CCDC60: variants seen among roughly 807,000 people sequenced by gnomAD.
The protein encoded by CCDC60 is coiled-coil domain containing 60, also known as coiled-coil domain-containing protein 60.
A neutral mutation model predicts 63.5 loss-of-function variants in CCDC60; 54 were observed. That is an observed-to-expected ratio of 0.85 (90% CI 0.68 to 1.07). CCDC60 has a LOEUF of 1.07. Among genes scored for constraint, CCDC60 ranks in the 50% least tolerant of loss-of-function variants. The probability of loss-of-function intolerance (pLI) is 0.00; values close to 1 mark genes in which losing one functional copy is unlikely to be tolerated. For missense variants in CCDC60, 651 were observed against 684.3 expected, an observed-to-expected ratio of 0.95 and a Z score of 0.54; for synonymous variants, 206 against 238.8, an observed-to-expected ratio of 0.86 and a Z score of 1.27.
intron 8 of CCDC60, among the ~76,000 whole-genome samples, chr12:119,518,582 A>C (rs1335183240): frequency 6.6e-6 from 1 of 152,216 alleles, no homozygotes; most frequent in Admixed American, 6.5e-5. Flanking sequence ...TCCCTGTAAA[A>C]TATTACTAAT....
intron 13 of CCDC60, among the ~76,000 whole-genome samples, chr12:119,536,887 T>TC (rs1218142583): frequency 2.0e-5 from 3 of 152,208 alleles, no homozygotes; most frequent in Admixed American, 6.5e-5. Context: ...CAATTATGTG[T>TC]CTTGGGCTTG....
intron 1 of CCDC60, among the ~76,000 whole-genome samples, 174 bp downstream of exon 1, chr12:119,335,440 C>T (rs1424164776): frequency 2.0e-5 from 3 of 151,270 alleles, no homozygotes; most frequent in Non-Finnish European, 4.4e-5. Context: ...TCCTATTTCT[C>T]CACATCCTCT....
intron 1 of CCDC60, among the ~76,000 whole-genome samples, chr12:119,370,432 G>A (rs1361209276): frequency 6.6e-6 from 1 of 152,162 alleles, no homozygotes; most frequent in East Asian, 1.9e-4. Context: ...GAAGTGCCTC[G>A]CAAAGGTGAC....
At chr12:119,524,211 G>T (rs1952614993) in intron 11 of CCDC60, among the ~76,000 whole-genome samples, 1 of 152,140 alleles carries the variant, frequency 6.6e-6, no homozygotes, top group Non-Finnish European at 1.5e-5. Flanking sequence ...TGCATGCAAA[G>T]TCCCAAGTCC....
Position 119,505,231 on chromosome 12 carries a change from G to A in CCDC60, c.811G>A (p.Val271Met), listed in dbSNP as rs773240346. 2.1e-5 allele frequency: 34 copies of A among 1,613,746 alleles called. No homozygotes were observed. Among genetic ancestry groups the A allele is most frequent in the Non-Finnish European group, 2.7e-5 (32 of 1,180,040 alleles). The change falls in exon 7 of 14, where the codon GTG (valine) becomes ATG (methionine). Residue 271 changes from valine to methionine, a missense_variant. Transcript: ENST00000327554. ...SDEPPSVNTQ[V>M]TSSKDIEDNE... The stretch of plus-strand genomic sequence containing the variant: ...TGAGCCCCCAAGTGTGAACACCCAG[G>A]TGACCAGCAGCAAGGACATTGAGGA...
At chr12:119,400,398 G>A (rs1956371255) in intron 1 of CCDC60, among the ~76,000 whole-genome samples, 1 of 152,218 alleles carries the variant, frequency 6.6e-6, no homozygotes. Flanking sequence ...AGCACTGGGT[G>A]GAGGAAGATA....
At chr12:119,457,973 G>A (rs112508857) in intron 2 of CCDC60, among the ~76,000 whole-genome samples, 2 of 152,278 alleles carry the variant, frequency 1.3e-5, no homozygotes, top group African/African-American at 4.8e-5. Context: ...CTTTTGAACT[G>A]GGGCTGCGTT....
intron 13 of CCDC60, among the ~76,000 whole-genome samples, chr12:119,539,505 A>G (rs111851823): frequency 6.6e-6 from 1 of 152,062 alleles, no homozygotes; most frequent in Non-Finnish European, 1.5e-5. Flanking sequence ...GCCTACCCAA[A>G]CCTCCATAAT....
chr12:119,527,666 C>CTTTCTTTCT (rs1161185946), intron 11 of CCDC60, among the ~76,000 whole-genome samples: 1 of 84,974 alleles, frequency 1.2e-5, no homozygotes, highest in African/African-American at 4.9e-5. Context: ...TTCTTTCTTT[C>CTTTCTTTCT]TTTTTTTTTT....
chr12:119,361,880 G>A (rs1454566490), intron 1 of CCDC60, among the ~76,000 whole-genome samples: 2 of 152,218 alleles, frequency 1.3e-5, no homozygotes, highest in East Asian at 3.8e-4. Context: ...CGTACATATA[G>A]ACATGGAAAG....
intron 13 of CCDC60, among the ~76,000 whole-genome samples, chr12:119,534,828 T>C (rs1031514061): frequency 5.9e-5 from 9 of 152,236 alleles, no homozygotes; most frequent in African/African-American, 2.2e-4. Flanking sequence ...CAGTATTTTA[T>C]TGAGGACTTT....
rs1169383296 is a variant in CCDC60 at position 119,335,204 on chromosome 12, C to CT, written c.30dup (p.Gln11SerfsTer86). 2.5e-6 allele frequency: 4 copies of CT among 1,607,252 alleles called. No homozygotes were observed. In the African/African-American group the frequency reaches 5.4e-5, roughly 22 times the overall value. ...GACCAAGGTTCCAGCCACCAAGAAG[C>CT]TTCAGAGTTCCCCCAACTCGGGGGC... is the stretch of plus-strand genomic sequence containing the variant. On this transcript the variant is annotated frameshift_variant, in exon 1 of 14. Transcript: ENST00000327554. LOFTEE classifies it high-confidence loss of function.
chr12:119,484,670 G>A (rs191533099), intron 4 of CCDC60, among the ~76,000 whole-genome samples: 15 of 152,036 alleles, frequency 9.9e-5, no homozygotes, highest in African/African-American at 2.4e-4. Flanking sequence ...CCAAAATCAC[G>A]CCACCGCACT....
At chr12:119,346,045 G>T (rs573651940) in intron 1 of CCDC60, among the ~76,000 whole-genome samples, 12 of 137,482 alleles carry the variant, frequency 8.7e-5, no homozygotes, top group African/African-American at 3.3e-4. Context: ...GGCTGATCCC[G>T]AACTCCTGGG....
At chr12:119,395,876 T>C (rs894474507) in intron 1 of CCDC60, among the ~76,000 whole-genome samples, 1 of 152,166 alleles carries the variant, frequency 6.6e-6, no homozygotes, top group Non-Finnish European at 1.5e-5. Context: ...TGTTGGCTTG[T>C]AGCCTCATCA....
chr12:119,423,536 C>A (rs946219124), intron 1 of CCDC60, among the ~76,000 whole-genome samples: 4 of 152,204 alleles, frequency 2.6e-5, no homozygotes, highest in Admixed American at 1.3e-4. Flanking sequence ...TAAGCAGAAG[C>A]CAGGGCATTT....
Position 119,501,172 on chromosome 12 carries a change from G to C in CCDC60, c.648+1004G>C, listed in dbSNP as rs141368888. On this transcript the variant is annotated intron_variant, in intron 6 of 13. Transcript: ENST00000327554. ...TCACAACTTTAGTGAAGAATCCCAG[G>C]AAATAAATATAAGGCAAACACACTT... 3.9e-4 allele frequency among the ~76,000 whole-genome samples: 60 copies of C among 152,232 alleles called. No individual in the cohort carries two copies. In the East Asian group the frequency reaches 9.1e-3, roughly 23 times the overall value.
intron 2 of CCDC60, among the ~76,000 whole-genome samples, chr12:119,468,871 T>C (rs1272617374): frequency 6.6e-6 from 1 of 151,908 alleles, no homozygotes; most frequent in East Asian, 1.9e-4. Flanking sequence ...GCCAGGAATG[T>C]GAGACCAGCT....
At chr12:119,472,633 T>A (rs1336824840) in intron 3 of CCDC60, among the ~76,000 whole-genome samples, 1 of 139,822 alleles carries the variant, frequency 7.2e-6, no homozygotes, top group East Asian at 2.1e-4. Context: ...CAGGCTGGAG[T>A]GCAGCGGCGT....
Sources: allele counts gnomAD v4.1 joint callset (sites outside exome capture counted in the v4.1 genomes callset), GRCh38; gene constraint gnomAD v4.1.1; transcripts MANE v1.5; gene names NCBI Gene and HGNC (gene_info 2026-07-23, HGNC 2026-07-21).